The following ZBTB10 variants were observed in gnomAD, a reference collection of about 807,000 sequenced individuals.
ZBTB10 encodes zinc finger and BTB domain-containing protein 10.
A neutral mutation model predicts 76.4 loss-of-function variants in ZBTB10; 32 were observed. That is an observed-to-expected ratio of 0.42 (90% CI 0.32 to 0.56). The LOEUF is 0.56. ZBTB10 is among the 20% of genes least tolerant of loss of function. ZBTB10 has a pLI of 0.14. For missense variants in ZBTB10, 1,057 were observed against 1,098.5 expected (o/e 0.96, Z 0.53); for synonymous variants, 523 against 432.9 (o/e 1.21, Z -2.58).
chr8:80,518,356 A>G (rs1375142937), intron 3 of ZBTB10, 47 bp from the exon 4 acceptor site: 1 of 1,494,626 alleles, frequency 6.7e-7, no homozygotes, highest in South Asian at 1.3e-5. Context: ...CTGATGAGAG[A>G]CAGATCTTTA....
chr8:80,508,491 G>A (rs1485153315), intron 2 of ZBTB10, among the ~76,000 whole-genome samples: 4 of 152,170 alleles, frequency 2.6e-5, no homozygotes, highest in Non-Finnish European at 5.9e-5. Context: ...TCCCTTATGC[G>A]GAACTTATTC....
intron 2 of ZBTB10, among the ~76,000 whole-genome samples, chr8:80,501,032 A>C (rs1815911800): frequency 6.6e-6 from 1 of 151,944 alleles, no homozygotes; most frequent in South Asian, 2.1e-4. Flanking sequence ...ACACCCAGCT[A>C]ATTTTGTATT....
chr8:80,503,923 C>T (rs1236220044), intron 2 of ZBTB10, among the ~76,000 whole-genome samples: 1 of 152,162 alleles, frequency 6.6e-6, no homozygotes, highest in Non-Finnish European at 1.5e-5. Flanking sequence ...AGGCTATGTG[C>T]TCTTCTGCCC....
chr8:80,507,642 G>C (rs900873821), intron 2 of ZBTB10, among the ~76,000 whole-genome samples: 2 of 151,998 alleles, frequency 1.3e-5, no homozygotes, highest in African/African-American at 4.8e-5. Flanking sequence ...TGTCACCCAG[G>C]CTGGAGTGCA....
intron 3 of ZBTB10, 146 bp from the exon 4 acceptor site, chr8:80,518,257 T>G (rs1816379300): frequency 2.6e-6 from 2 of 759,852 alleles, no homozygotes; most frequent in African/African-American, 3.7e-5. Flanking sequence ...CATCTCAATT[T>G]TAGACTAAAA....
chr8:80,509,613 T>C (rs1156553047), intron 2 of ZBTB10, among the ~76,000 whole-genome samples: 3 of 152,184 alleles, frequency 2.0e-5, no homozygotes, highest in Non-Finnish European at 4.4e-5. Flanking sequence ...ATTAGTCTTG[T>C]CTTTAATGAT....
chr8:80,493,209 A>ACACG (rs1554551282), intron 1 of ZBTB10, among the ~76,000 whole-genome samples: 25 of 73,310 alleles, frequency 3.4e-4, no homozygotes, highest in Admixed American at 3.0e-3. Context: ...GCGCGCGCGC[A>ACACG]CACACACACA....
At chr8:80,492,188 A>C in intron 1 of ZBTB10, among the ~76,000 whole-genome samples, 1 of 152,216 alleles carries the variant, frequency 6.6e-6, no homozygotes, top group East Asian at 1.9e-4. Flanking sequence ...TACATTATTT[A>C]TAATTTATTC....
At chr8:80,495,919 A>G (rs558256918) in intron 1 of ZBTB10, among the ~76,000 whole-genome samples, 7 of 152,376 alleles carry the variant, frequency 4.6e-5, no homozygotes, top group East Asian at 3.9e-4. Flanking sequence ...TCAAGATTTC[A>G]TATTTAGCTC....
intron 3 of ZBTB10, among the ~76,000 whole-genome samples, chr8:80,515,421 A>C (rs1201168930): frequency 6.6e-6 from 1 of 152,210 alleles, no homozygotes; most frequent in Non-Finnish European, 1.5e-5. Context: ...CCACATTTCT[A>C]AAGAAACTGC....
At chr8:80,500,916 A>G (rs1815908417) in intron 2 of ZBTB10, among the ~76,000 whole-genome samples, 1 of 151,980 alleles carries the variant, frequency 6.6e-6, no homozygotes, top group Non-Finnish European at 1.5e-5. Context: ...TCGGAGTCTC[A>G]CTCTATAGCC....
At position 80,513,946 on chromosome 8, in the gene ZBTB10, A is replaced by G; in HGVS notation, c.1898A>G (p.Asp633Gly). 1.2e-6 allele frequency: 2 copies of G among 1,613,590 alleles called. No individual in the cohort carries two copies. The highest frequency in any genetic ancestry group is 2.2e-5 in the South Asian group (2 of 91,042). Residue 633 changes from aspartate (D) to glycine (G), a missense_variant, in exon 3 of 6, where the codon GAT becomes GGT. By Grantham distance (94) the Asp-to-Gly change is moderately conservative. Coordinates refer to ENST00000455036, the MANE Select transcript of ZBTB10 (RefSeq NM_001105539.3). Reference protein sequence around the residue: ...DGALLSGPDGDRNVNANLLAE... With the variant: ...DGALLSGPDGGRNVNANLLAE... ...GCTCTACTCTCGGGGCCAGATGGTG[A>G]TAGGAATGTGAATGCAAATTTATTG...
intron 2 of ZBTB10, among the ~76,000 whole-genome samples, chr8:80,512,031 T>C (rs1200615464): frequency 2.0e-5 from 3 of 152,164 alleles, no homozygotes; most frequent in Non-Finnish European, 2.9e-5. Flanking sequence ...TTCTTAAGGA[T>C]TGGGCAAAGG....
At chr8:80,514,081 T>C in intron 3 of ZBTB10, 73 bp downstream of exon 3, 1 of 1,350,342 alleles carries the variant, frequency 7.4e-7, no homozygotes, top group East Asian at 2.4e-5. Flanking sequence ...CAGCCTAGTG[T>C]AATTTCTCTT....
At position 80,486,888 on chromosome 8, in the gene ZBTB10, C is replaced by T. The variant is rs1356506214; in HGVS notation, c.78C>T (p.Ser26=). 6.6e-7 allele frequency: 1 copy of T among 1,512,596 alleles called. No homozygotes were observed. Among genetic ancestry groups the T allele is most frequent in the South Asian group, 1.2e-5 (1 of 80,968 alleles). 93.7% of individuals were successfully genotyped at this position (1,512,596 alleles called of 1,614,324 possible). The change falls in exon 1 of 6, where the codon TCC becomes TCT. Residue 26 remains serine (S), a synonymous_variant. Transcript: ENST00000455036. Reference sequence around the variant, plus strand: ...TGGTCACCGCTAGCGGCGGCGGCTCCACGAACAATAACGCTGGCGGGGAGG... The same window carrying T: ...TGGTCACCGCTAGCGGCGGCGGCTCTACGAACAATAACGCTGGCGGGGAGG... ...GGLVTASGGG[S]TNNNAGGEAS...
chr8:80,515,187 T>C (rs771907759), intron 3 of ZBTB10, among the ~76,000 whole-genome samples: 2 of 152,218 alleles, frequency 1.3e-5, no homozygotes, highest in African/African-American at 2.4e-5. Context: ...CTTGAAGTTA[T>C]GAGCATGCAT....
chr8:80,491,083 G>C (rs916208743), intron 1 of ZBTB10, among the ~76,000 whole-genome samples: 25 of 152,158 alleles, frequency 1.6e-4, no homozygotes, highest in Non-Finnish European at 4.4e-5. Flanking sequence ...ATCTACAGCA[G>C]TGTATGGTAA....
upstream of ZBTB10, chr8:80,485,736 G>A (rs1815428048): frequency 6.6e-7 from 1 of 1,508,104 alleles, no homozygotes; most frequent in Non-Finnish European, 8.9e-7. Context: ...CTTTGTGAAG[G>A]AACAAAATAA....
In ZBTB10 at chr8:80,497,952, T is replaced by C. The variant is rs141831907; in HGVS notation, c.973-1542T>C. On this transcript the variant is annotated intron_variant, in intron 1 of 5. Transcript: ENST00000455036. ...CTGGGATTACAGGCGTGAGCCACCA[T>C]GCCTGGCCATGTCCTGGAATATTAT... is the stretch of plus-strand genomic sequence containing the variant. Among the ~76,000 whole-genome samples the C allele has an allele frequency of 2.6e-3, 396 of 152,186 alleles. 2 individuals carry two copies. Among genetic ancestry groups the C allele is most frequent in the African/African-American group, 9.0e-3 (373 of 41,528 alleles).
Sources: gnomAD v4.1 joint callset for allele counts (sites outside exome capture counted in the v4.1 genomes callset) on GRCh38, gnomAD v4.1.1 for gene constraint, MANE v1.5 for transcripts, NCBI Gene and HGNC (gene_info 2026-07-23, HGNC 2026-07-21) for gene names.